THSD7B: variants seen among roughly 807,000 people sequenced by gnomAD.
THSD7B encodes thrombospondin type-1 domain-containing protein 7B.
THSD7B carries 138 observed loss-of-function variants against 213.6 expected under a neutral mutation model. The observed-to-expected ratio is 0.65, with a 90% CI of 0.56 to 0.74. The LOEUF (loss-of-function observed/expected upper bound fraction) is 0.74, where lower values mean the gene tolerates loss of function less well. Ranked by LOEUF, THSD7B falls within the 30% of genes least tolerant of loss-of-function variation. THSD7B has a pLI of 0.00. For missense variants in THSD7B, 1,931 were observed against 1,991.5 expected, an observed-to-expected ratio of 0.97 and a Z score of 0.58; for synonymous variants, 742 against 687.0, an observed-to-expected ratio of 1.08 and a Z score of -1.25.
At chr2:136,917,401 G>T (rs1383079874) in intron 2 of THSD7B, among the ~76,000 whole-genome samples, 1 of 152,206 alleles carries the variant, frequency 6.6e-6, no homozygotes, top group Non-Finnish European at 1.5e-5. Flanking sequence ...TCGTTGCATG[G>T]TTTAGTCTGC....
intron 1 of THSD7B, among the ~76,000 whole-genome samples, chr2:136,774,049 T>G (rs967509417): frequency 1.3e-5 from 2 of 152,082 alleles, no homozygotes; most frequent in Non-Finnish European, 2.9e-5. Context: ...TCTGGCTTGC[T>G]TCTACTTTAC....
At position 137,590,792 on chromosome 2, in the gene THSD7B, G is replaced by GTTTTTTTTTTTT. The variant is rs1215185747; in HGVS notation, c.3423+18246_3423+18257dup. On this transcript the variant is annotated intron_variant, in intron 17 of 27. Transcript: ENST00000409968. ...GCATTTTTCCCTCTGCTTTGAAATA[G>GTTTTTTTTTTTT]TTTTTTTTTTTTTTTTTTTTTAGCT... 3.2e-4 allele frequency among the ~76,000 whole-genome samples: 28 copies of GTTTTTTTTTTTT among 88,702 alleles called. 2 individuals are homozygous for GTTTTTTTTTTTT. Among genetic ancestry groups the GTTTTTTTTTTTT allele is most frequent in the African/African-American group, 9.8e-4 (24 of 24,580 alleles). 58.2% of individuals were successfully genotyped at this position (88,702 alleles called of 152,430 possible).
intron 2 of THSD7B, among the ~76,000 whole-genome samples, chr2:136,977,348 C>G (rs942738180): frequency 2.0e-5 from 3 of 152,134 alleles, no homozygotes; most frequent in Admixed American, 2.0e-4. Context: ...CTTAGTCTAG[C>G]TAGCAGTCTA....
intron 15 of THSD7B, among the ~76,000 whole-genome samples, chr2:137,557,257 C>T (rs973427922): frequency 2.6e-5 from 4 of 152,150 alleles, no homozygotes; most frequent in African/African-American, 7.2e-5. Context: ...CAGAACCACA[C>T]CACACCTATT....
intron 17 of THSD7B, among the ~76,000 whole-genome samples, chr2:137,605,759 C>T (rs373905396): frequency 6.8e-6 from 1 of 146,854 alleles, no homozygotes; most frequent in African/African-American, 2.5e-5. Context: ...ACTTCCGCAT[C>T]CCTGGTTCAA....
chr2:137,568,239 C>A (rs953072879), intron 16 of THSD7B, among the ~76,000 whole-genome samples: 2 of 151,786 alleles, frequency 1.3e-5, no homozygotes, highest in African/African-American at 4.8e-5. Context: ...GTGGAGATAG[C>A]AAATATAGAC....
chr2:137,486,471 A>G (rs1377325996), intron 15 of THSD7B, among the ~76,000 whole-genome samples: 1 of 151,600 alleles, frequency 6.6e-6, no homozygotes, highest in African/African-American at 2.4e-5. Flanking sequence ...CACCCAATAC[A>G]GGAGCACCCA....
chr2:136,896,406 A>G (rs1251488990), intron 2 of THSD7B, among the ~76,000 whole-genome samples: 4 of 152,078 alleles, frequency 2.6e-5, no homozygotes, highest in African/African-American at 4.8e-5. Context: ...CTGTTTTCCT[A>G]TTAGTGAGTT....
At chr2:137,289,119 G>C (rs1683255885) in intron 12 of THSD7B, among the ~76,000 whole-genome samples, 1 of 151,712 alleles carries the variant, frequency 6.6e-6, no homozygotes, top group Admixed American at 6.6e-5. Flanking sequence ...TCAAACCTCG[G>C]AAGACAGCAA....
At chr2:137,174,879 G>A (rs569863439) in intron 7 of THSD7B, among the ~76,000 whole-genome samples, 4 of 152,152 alleles carry the variant, frequency 2.6e-5, no homozygotes, top group African/African-American at 4.8e-5. Flanking sequence ...TTTCAAAGTA[G>A]CACTTGAAAT....
intron 1 of THSD7B, among the ~76,000 whole-genome samples, chr2:136,874,901 A>G (rs1251151212): frequency 2.0e-5 from 3 of 152,194 alleles, no homozygotes; most frequent in Admixed American, 2.0e-4. Context: ...TTTTGTAATC[A>G]TAGTCATAGC....
intron 7 of THSD7B, among the ~76,000 whole-genome samples, chr2:137,182,568 A>G (rs1680475380): frequency 2.0e-5 from 3 of 152,152 alleles, no homozygotes; most frequent in South Asian, 4.1e-4. Flanking sequence ...ATTACCTTGT[A>G]TGTTTCCGCA....
chr2:137,190,264 C>T (rs539753653), intron 7 of THSD7B, among the ~76,000 whole-genome samples: 1 of 152,236 alleles, frequency 6.6e-6, no homozygotes, highest in African/African-American at 2.4e-5. Flanking sequence ...ATGTATATGC[C>T]ATGTGCTATT....
chr2:137,437,811 T>C (rs943515065), intron 14 of THSD7B, among the ~76,000 whole-genome samples: 1 of 152,184 alleles, frequency 6.6e-6, no homozygotes, highest in Non-Finnish European at 1.5e-5. Context: ...GAACTGTTGA[T>C]TTCTGTATAC....
In THSD7B at chr2:137,507,070, G is replaced by A. The variant is rs145953244; in HGVS notation, c.3138+56047G>A. On this transcript the variant is annotated intron_variant, in intron 15 of 27. Coordinates refer to ENST00000409968, the MANE Select transcript of THSD7B (RefSeq NM_001316349.2). ...TGAGAGGGCAGCACAGTACATAATCGTATCCTTGAAAGGAAAATAGATAAC... is the reference window on the plus strand; with the variant it reads ...TGAGAGGGCAGCACAGTACATAATCATATCCTTGAAAGGAAAATAGATAAC... 3.2e-3 allele frequency among the ~76,000 whole-genome samples: 486 copies of A among 152,252 alleles called. 1 individual carries two copies. Among genetic ancestry groups the A allele is most frequent in the Non-Finnish European group, 4.6e-3 (310 of 68,016 alleles).
At chr2:137,234,774 G>A (rs2105057966) in intron 9 of THSD7B, among the ~76,000 whole-genome samples, 1 of 152,266 alleles carries the variant, frequency 6.6e-6, no homozygotes, top group East Asian at 1.9e-4. Flanking sequence ...ATCAAGGGAA[G>A]TGTATGTTTA....
rs145907338 is a variant in THSD7B, at chr2:137,608,424, C to T, written c.3424-7751C>T. Among the ~76,000 whole-genome samples, 188 of 151,918 alleles carry T rather than the reference C, an allele frequency of 1.2e-3. 1 individual carries two copies. Among genetic ancestry groups the T allele is most frequent in the South Asian group, 9.8e-3 (47 of 4,808 alleles). On this transcript the variant is annotated intron_variant, in intron 17 of 27. Transcript: ENST00000409968. ...ATACTCCACAAGCACCAGTGCTTTA[C>T]AAGTGTAACAGTTACTGAGGAGCAA...
At chr2:137,418,507 T>G (rs999420352) in intron 14 of THSD7B, among the ~76,000 whole-genome samples, 1 of 152,226 alleles carries the variant, frequency 6.6e-6, no homozygotes, top group African/African-American at 2.4e-5. Flanking sequence ...TCAGGTTAAG[T>G]AGAACATTCA....
intron 15 of THSD7B, among the ~76,000 whole-genome samples, chr2:137,556,085 T>G (rs527493635): frequency 6.6e-6 from 1 of 152,222 alleles, no homozygotes; most frequent in East Asian, 1.9e-4. Context: ...GTAAAAGTGA[T>G]GGAGAGAAAG....
Sources: allele counts gnomAD v4.1 joint callset (sites outside exome capture counted in the v4.1 genomes callset), GRCh38; gene constraint gnomAD v4.1.1; transcripts MANE v1.5; gene names NCBI Gene and HGNC (gene_info 2026-07-23, HGNC 2026-07-21).